The following CNTNAP5 variants were observed in gnomAD, a reference collection of about 807,000 sequenced individuals.
The protein encoded by CNTNAP5 is contactin associated protein family member 5.
Under a neutral mutation model 150.2 loss-of-function variants are expected in CNTNAP5, and 72 were observed. The observed-to-expected ratio is 0.48, with a 90% CI of 0.40 to 0.58. CNTNAP5 has a LOEUF of 0.58. Among genes scored for constraint, CNTNAP5 ranks in the 20% least tolerant of loss-of-function variants. The pLI is 0.00. For synonymous variants in CNTNAP5, 672 were observed against 619.8 expected (o/e 1.08, Z -1.25); for missense variants, 1,636 against 1,626.2 (o/e 1.01, Z -0.10).
At chr2:124,790,251 C>A in intron 18 of CNTNAP5, 110 bp downstream of exon 18, 2 of 1,193,212 alleles carry the variant, frequency 1.7e-6, no homozygotes, top group Non-Finnish European at 2.3e-6. Context: ...TCTACTCTCC[C>A]GCTGTTTAGA....
At chr2:124,652,235 G>A (rs1194132929) in intron 13 of CNTNAP5, among the ~76,000 whole-genome samples, 2 of 152,158 alleles carry the variant, frequency 1.3e-5, no homozygotes, top group Admixed American at 6.5e-5. Context: ...GATTCTCATG[G>A]ATCTTTGTCT....
At chr2:124,674,230 T>C (rs1678881559) in intron 13 of CNTNAP5, among the ~76,000 whole-genome samples, 1 of 152,222 alleles carries the variant, frequency 6.6e-6, no homozygotes, top group African/African-American at 2.4e-5. Flanking sequence ...TATTTGTGTG[T>C]AATCTTTAAT....
At chr2:124,840,828 T>TAAC (rs533336193) in intron 19 of CNTNAP5, among the ~76,000 whole-genome samples, 153 of 152,226 alleles carry the variant, frequency 1.0e-3, no homozygotes, top group Non-Finnish European at 1.5e-3. Flanking sequence ...GAGCCAGCAC[T>TAAC]AACTAGTCTG....
intron 6 of CNTNAP5, among the ~76,000 whole-genome samples, chr2:124,474,398 T>A (rs1693591304): frequency 6.6e-6 from 1 of 152,062 alleles, no homozygotes; most frequent in South Asian, 2.1e-4. Context: ...TATGGCCATA[T>A]CTTTTAAGAT....
intron 19 of CNTNAP5, among the ~76,000 whole-genome samples, chr2:124,851,157 G>T (rs1683145157): frequency 1.3e-5 from 2 of 152,088 alleles, no homozygotes; most frequent in South Asian, 2.1e-4. Context: ...CTGAGGTCAG[G>T]AGTTCAAGAC....
chr2:124,240,756 C>T (rs1452918622), intron 2 of CNTNAP5, among the ~76,000 whole-genome samples: 2 of 152,110 alleles, frequency 1.3e-5, no homozygotes, highest in Non-Finnish European at 2.9e-5. Context: ...GCAAGATGTG[C>T]CTTTAAGTCC....
intron 13 of CNTNAP5, among the ~76,000 whole-genome samples, chr2:124,716,372 G>C (rs1679945180): frequency 6.6e-6 from 1 of 152,006 alleles, no homozygotes; most frequent in Non-Finnish European, 1.5e-5. Flanking sequence ...CAAAATGCAT[G>C]ATGAAAAATC....
intron 11 of CNTNAP5, among the ~76,000 whole-genome samples, chr2:124,600,027 A>T (rs1271612590): frequency 5.3e-5 from 8 of 152,100 alleles, no homozygotes; most frequent in African/African-American, 1.9e-4. Flanking sequence ...CATTCTCAAT[A>T]AACGTGTGTG....
At chr2:124,727,652 A>C (rs1680185670) in intron 13 of CNTNAP5, among the ~76,000 whole-genome samples, 1 of 151,948 alleles carries the variant, frequency 6.6e-6, no homozygotes, top group Admixed American at 6.6e-5. Flanking sequence ...CTAAATTGTA[A>C]ATGTTGATTT....
chr2:124,386,219 A>G (rs2565766), intron 3 of CNTNAP5, among the ~76,000 whole-genome samples: 89,747 of 152,064 alleles, frequency 0.59, 28,378 homozygotes, highest in South Asian at 0.8. Context: ...AATGTTGTTT[A>G]AATTTCTTTT....
chr2:124,427,344 A>G (rs947112510), intron 4 of CNTNAP5, among the ~76,000 whole-genome samples: 1 of 152,196 alleles, frequency 6.6e-6, no homozygotes, highest in African/African-American at 2.4e-5. Flanking sequence ...GCTCTTTCTA[A>G]AAACCCAAAC....
At chr2:124,761,539 T>TTGCTAGTG (rs1392827132) in intron 14 of CNTNAP5, among the ~76,000 whole-genome samples, 8 of 152,148 alleles carry the variant, frequency 5.3e-5, no homozygotes, top group African/African-American at 1.9e-4. Context: ...TAATTTCCTG[T>TTGCTAGTG]TGCTAGTGAG....
intron 10 of CNTNAP5, among the ~76,000 whole-genome samples, chr2:124,558,432 T>TTCGGTTTGGGTACACAAAGTTTGG (rs11273535): frequency 0.97 from 146,863 of 152,010 alleles, 71,163 homozygotes; most frequent in South Asian, 1. Flanking sequence ...GATTGGAAAG[T>TTCGGTTTGGGTACACAAAGTTTGG]AATATCTATT....
intron 3 of CNTNAP5, among the ~76,000 whole-genome samples, chr2:124,363,114 T>G (rs767597138): frequency 2.6e-5 from 4 of 152,216 alleles, no homozygotes; most frequent in Non-Finnish European, 4.4e-5. Context: ...CTATGATGTT[T>G]GTAATGCCTC....
intron 6 of CNTNAP5, among the ~76,000 whole-genome samples, chr2:124,461,280 A>G (rs1262013115): frequency 1.3e-5 from 2 of 152,138 alleles, no homozygotes; most frequent in African/African-American, 2.4e-5. Flanking sequence ...ACCAAGCCAA[A>G]TGTCCAACAA....
intron 19 of CNTNAP5, among the ~76,000 whole-genome samples, chr2:124,830,906 T>G (rs1682700864): frequency 6.6e-6 from 1 of 151,934 alleles, no homozygotes; most frequent in Admixed American, 6.6e-5. Flanking sequence ...TCAGGTGCAG[T>G]GAAATAGGCA....
chr2:124,639,980 CA>C (rs1678056490), intron 12 of CNTNAP5, among the ~76,000 whole-genome samples: 1 of 152,126 alleles, frequency 6.6e-6, no homozygotes, highest in African/African-American at 2.4e-5. Context: ...GAATGCAACA[CA>C]AGGCAGTCTG....
chr2:124,119,774 A>C (rs1363398657), intron 1 of CNTNAP5, among the ~76,000 whole-genome samples: 2 of 152,198 alleles, frequency 1.3e-5, no homozygotes, highest in Non-Finnish European at 2.9e-5. Context: ...ACTATGATAT[A>C]ACATTTTATT....
At chr2:124,032,853 C>G (rs900571804) in intron 1 of CNTNAP5, among the ~76,000 whole-genome samples, 1 of 152,198 alleles carries the variant, frequency 6.6e-6, no homozygotes. Flanking sequence ...CATTGTATAG[C>G]ACATGCTGTC....
Sources: gnomAD v4.1 joint callset for allele counts (sites outside exome capture counted in the v4.1 genomes callset) on GRCh38, gnomAD v4.1.1 for gene constraint, MANE v1.5 for transcripts, NCBI Gene and HGNC (gene_info 2026-07-23, HGNC 2026-07-21) for gene names.